The following EXT1 variants were observed in gnomAD, a reference collection of about 807,000 sequenced individuals.
The protein encoded by EXT1 is exostosin-1.
Under a neutral mutation model 82.5 loss-of-function variants are expected in EXT1, and 20 were observed. That is an observed-to-expected ratio of 0.24 (90% CI 0.17 to 0.35). The LOEUF (loss-of-function observed/expected upper bound fraction) is 0.35. Among genes scored for constraint, EXT1 ranks in the 10% least tolerant of loss-of-function variants. EXT1 has a pLI of 1.00. For synonymous variants in EXT1, 348 were observed against 350.8 expected (o/e 0.99, Z 0.09); for missense variants, 757 against 936.5 (o/e 0.81, Z 2.50).
chr8:117,953,939 T>TA (rs1204796691), intron 1 of EXT1, among the ~76,000 whole-genome samples: 3 of 151,856 alleles, frequency 2.0e-5, no homozygotes, highest in Non-Finnish European at 4.4e-5. Flanking sequence ...AAAATAAAAA[T>TA]AAAAAAACTG....
intron 1 of EXT1, among the ~76,000 whole-genome samples, chr8:118,093,706 G>A (rs758860178): frequency 1.1e-4 from 16 of 152,164 alleles, no homozygotes; most frequent in Admixed American, 2.6e-4. Context: ...TTTGTCTCCT[G>A]AGAAAAAGAA....
intron 1 of EXT1, among the ~76,000 whole-genome samples, chr8:117,842,442 A>T (rs1812287853): frequency 6.6e-6 from 1 of 152,180 alleles, no homozygotes; most frequent in Non-Finnish European, 1.5e-5. Context: ...TGGGCTAAGG[A>T]ATTTGGGTTC....
chr8:117,923,959 T>C (rs1813907754), intron 1 of EXT1, among the ~76,000 whole-genome samples: 1 of 152,192 alleles, frequency 6.6e-6, no homozygotes, highest in Non-Finnish European at 1.5e-5. Context: ...TTCACCATCG[T>C]TGATATACTG....
intron 1 of EXT1, among the ~76,000 whole-genome samples, chr8:117,908,328 C>T (rs1300215232): frequency 1.3e-5 from 2 of 152,104 alleles, no homozygotes; most frequent in Non-Finnish European, 2.9e-5. Context: ...TAGGGTCAGA[C>T]AATGATAAAA....
chr8:117,848,216 A>G (rs1253354363), intron 1 of EXT1, among the ~76,000 whole-genome samples: 1 of 152,232 alleles, frequency 6.6e-6, no homozygotes, highest in African/African-American at 2.4e-5. Flanking sequence ...TCCATGGGAC[A>G]TAACATTTGG....
chr8:118,053,647 A>C (rs1328777877), intron 1 of EXT1, among the ~76,000 whole-genome samples: 1 of 152,198 alleles, frequency 6.6e-6, no homozygotes, highest in Non-Finnish European at 1.5e-5. Context: ...TCTTTAAGCA[A>C]ATAATCGGTG....
chr8:118,099,626 C>G (rs1403138247), intron 1 of EXT1, among the ~76,000 whole-genome samples: 1 of 152,174 alleles, frequency 6.6e-6, no homozygotes, highest in Non-Finnish European at 1.5e-5. Flanking sequence ...TATGTGTATG[C>G]TCTTAGGCAA....
intron 10 of EXT1, among the ~76,000 whole-genome samples, 186 bp from the exon 11 acceptor site, chr8:117,800,083 G>A (rs1823143035): frequency 6.6e-6 from 1 of 152,200 alleles, no homozygotes; most frequent in South Asian, 2.1e-4. Context: ...CCCAAGGTAT[G>A]CTACGTTCCT....
chr8:118,028,830 G>A (rs1202067419), intron 1 of EXT1, among the ~76,000 whole-genome samples: 1 of 152,160 alleles, frequency 6.6e-6, no homozygotes, highest in African/African-American at 2.4e-5. Flanking sequence ...GCTGAGGTAG[G>A]AGAATCGCTT....
intron 1 of EXT1, among the ~76,000 whole-genome samples, chr8:118,087,334 C>T (rs780120392): frequency 6.6e-6 from 1 of 152,116 alleles, no homozygotes; most frequent in African/African-American, 2.4e-5. Context: ...TATTCACATA[C>T]TAAAACTAAA....
At chr8:118,043,903 T>C (rs1466547337) in intron 1 of EXT1, among the ~76,000 whole-genome samples, 2 of 152,218 alleles carry the variant, frequency 1.3e-5, no homozygotes, top group East Asian at 1.9e-4. Context: ...AAATACCATC[T>C]ACAGAATAAT....
intron 1 of EXT1, among the ~76,000 whole-genome samples, chr8:117,860,154 A>G (rs1812655955): frequency 6.6e-6 from 1 of 151,152 alleles, no homozygotes; most frequent in Admixed American, 6.6e-5. Context: ...CTCAAAAAAA[A>G]AAAAAAAAAA....
At chr8:118,083,335 CTG>C (rs1386304957) in intron 1 of EXT1, among the ~76,000 whole-genome samples, 1 of 152,196 alleles carries the variant, frequency 6.6e-6, no homozygotes, top group African/African-American at 2.4e-5. Flanking sequence ...ATGGAAGACA[CTG>C]TACTATTTAA....
intron 1 of EXT1, among the ~76,000 whole-genome samples, chr8:117,862,875 G>A (rs1180908407): frequency 1.4e-5 from 2 of 144,292 alleles, no homozygotes; most frequent in East Asian, 3.9e-4. Flanking sequence ...AAAGGGAGCT[G>A]TGGGAAGAAT....
chr8:117,833,547 G>A (rs888541575), intron 3 of EXT1, among the ~76,000 whole-genome samples: 5 of 152,030 alleles, frequency 3.3e-5, no homozygotes, highest in African/African-American at 9.7e-5. Context: ...CCCGGGAGGT[G>A]GAGGTTGCAG....
At chr8:117,999,613 C>A (rs1003814463) in intron 1 of EXT1, among the ~76,000 whole-genome samples, 2 of 152,086 alleles carry the variant, frequency 1.3e-5, no homozygotes, top group African/African-American at 2.4e-5. Flanking sequence ...GTGGGGCTTA[C>A]ACAAATTTAA....
intron 1 of EXT1, among the ~76,000 whole-genome samples, chr8:117,978,990 T>TG (rs1343068917): frequency 3.3e-5 from 5 of 152,106 alleles, no homozygotes; most frequent in African/African-American, 1.2e-4. Context: ...TGACTCCAAG[T>TG]GACATGCCTG....
rs370726396 is a variant in EXT1, at chr8:117,964,843, G to A, written c.963-127642C>T. On this transcript the variant is annotated intron_variant, in intron 1 of 10. Transcript: ENST00000378204. ...AGTAGAGACAGGGTTTCCCTATAGT[G>A]GCCAGGCTGGTGTTGAACTCCTGAC... is the stretch of plus-strand genomic sequence containing the variant. Among the ~76,000 whole-genome samples, 39 of 152,134 alleles carry A rather than the reference G, an allele frequency of 2.6e-4. No individual in the cohort carries two copies. The East Asian group carries it at 5.8e-3, about 23-fold the overall frequency.
chr8:117,805,906 C>T (rs1292305481), intron 9 of EXT1, among the ~76,000 whole-genome samples: 1 of 152,162 alleles, frequency 6.6e-6, no homozygotes, highest in Non-Finnish European at 1.5e-5. Context: ...GAGCTTTTTC[C>T]ATATATCCTT....
Sources: allele counts gnomAD v4.1 joint callset (sites outside exome capture counted in the v4.1 genomes callset), GRCh38; gene constraint gnomAD v4.1.1; transcripts MANE v1.5; gene names NCBI Gene and HGNC (gene_info 2026-07-23, HGNC 2026-07-21).